The following CNTNAP5 variants were observed in gnomAD, a reference collection of about 807,000 sequenced individuals.
CNTNAP5 encodes the protein contactin associated protein family member 5.
CNTNAP5 carries 72 observed loss-of-function variants against 150.2 expected under a neutral mutation model. That is an observed-to-expected ratio of 0.48 (90% CI 0.40 to 0.58). The LOEUF (loss-of-function observed/expected upper bound fraction) is 0.58. Ranked by LOEUF, CNTNAP5 falls within the 20% of genes least tolerant of loss-of-function variation. The pLI, the probability that CNTNAP5 is intolerant of heterozygous loss-of-function variation, is 0.00. For missense variants in CNTNAP5, 1,636 were observed against 1,626.2 expected (o/e 1.01, Z -0.10); for synonymous variants, 672 against 619.8 (o/e 1.08, Z -1.25).
chr2:124,389,292 A>G (rs1367353288), intron 3 of CNTNAP5, among the ~76,000 whole-genome samples: 1 of 152,178 alleles, frequency 6.6e-6, no homozygotes, highest in African/African-American at 2.4e-5. Flanking sequence ...AATATAATTC[A>G]CTGTCCTTTT....
chr2:124,786,397 A>AGG (rs1573616310), intron 17 of CNTNAP5, among the ~76,000 whole-genome samples: 1,454 of 81,346 alleles, frequency 0.018, 5 homozygotes, highest in Admixed American at 0.021. Flanking sequence ...GAAAGAAAGA[A>AGG]AGAAGGAAGG....
chr2:124,300,429 A>G (rs1042551238), intron 3 of CNTNAP5, among the ~76,000 whole-genome samples: 1 of 152,190 alleles, frequency 6.6e-6, no homozygotes, highest in Non-Finnish European at 1.5e-5. Context: ...GTTTAAGCTG[A>G]TGCATTTGGG....
intron 8 of CNTNAP5, among the ~76,000 whole-genome samples, chr2:124,510,138 G>T (rs1325286744): frequency 6.6e-6 from 1 of 151,442 alleles, no homozygotes; most frequent in African/African-American, 2.4e-5. Context: ...AACCCAGGAG[G>T]CAGAGACTGC....
intron 21 of CNTNAP5, among the ~76,000 whole-genome samples, chr2:124,894,028 T>C (rs1266191843): frequency 6.6e-6 from 1 of 152,176 alleles, no homozygotes; most frequent in Non-Finnish European, 1.5e-5. Flanking sequence ...TTTTATTACA[T>C]ATGTGTTAAA....
At chr2:124,452,304 G>A (rs1197927127) in intron 6 of CNTNAP5, among the ~76,000 whole-genome samples, 2 of 152,002 alleles carry the variant, frequency 1.3e-5, no homozygotes, top group South Asian at 2.1e-4. Context: ...GCATGACACA[G>A]CAAAGGCACC....
intron 12 of CNTNAP5, among the ~76,000 whole-genome samples, chr2:124,614,713 G>A (rs764173535): frequency 6.6e-6 from 1 of 152,040 alleles, no homozygotes; most frequent in Admixed American, 6.6e-5. Flanking sequence ...TCACCATCTC[G>A]GTTTTGGTGG....
At chr2:124,891,192 T>G (rs1311955625) in intron 21 of CNTNAP5, among the ~76,000 whole-genome samples, 1 of 152,040 alleles carries the variant, frequency 6.6e-6, no homozygotes, top group Non-Finnish European at 1.5e-5. Flanking sequence ...GTGGCTGGGA[T>G]AGTCTGGAGG....
At chr2:124,656,691 T>A (rs1678464798) in intron 13 of CNTNAP5, among the ~76,000 whole-genome samples, 1 of 152,198 alleles carries the variant, frequency 6.6e-6, no homozygotes, top group African/African-American at 2.4e-5. Flanking sequence ...GACCATGAAT[T>A]ATTTAAATAA....
chr2:124,820,421 C>T (rs1682461307), intron 19 of CNTNAP5, among the ~76,000 whole-genome samples: 1 of 151,700 alleles, frequency 6.6e-6, no homozygotes, highest in Non-Finnish European at 1.5e-5. Context: ...TGCTCTCCCT[C>T]ACCAGTTGCT....
intron 1 of CNTNAP5, among the ~76,000 whole-genome samples, chr2:124,219,698 T>A (rs988800088): frequency 1.3e-5 from 2 of 152,184 alleles, no homozygotes; most frequent in African/African-American, 4.8e-5. Flanking sequence ...ATGCAAGATC[T>A]GCATTACGTT....
At chr2:124,407,473 A>C (rs977088035) in intron 3 of CNTNAP5, among the ~76,000 whole-genome samples, 24 of 152,172 alleles carry the variant, frequency 1.6e-4, no homozygotes, top group Admixed American at 5.2e-4. Flanking sequence ...AGGATACTAG[A>C]AAGAAAAGGC....
intron 19 of CNTNAP5, among the ~76,000 whole-genome samples, chr2:124,846,683 C>T (rs575868283): frequency 6.6e-6 from 1 of 152,198 alleles, no homozygotes; most frequent in East Asian, 1.9e-4. Flanking sequence ...TTACTGATTC[C>T]TTCTCATTTG....
At chr2:124,362,211 G>A (rs932586490) in intron 3 of CNTNAP5, among the ~76,000 whole-genome samples, 2 of 152,210 alleles carry the variant, frequency 1.3e-5, no homozygotes, top group African/African-American at 4.8e-5. Context: ...CCACTGTCTG[G>A]CACTCCCTAG....
chr2:124,100,180 G>A lies in CNTNAP5; in HGVS notation c.82+74448G>A, dbSNP rs75429942. On this transcript the variant is annotated intron_variant, in intron 1 of 23. Coordinates refer to ENST00000682447, the MANE Select transcript of CNTNAP5 (RefSeq NM_001367498.1). ...CTTCACATGGCAAAAGCAGGGATAC[G>A]AGGGGCGGAGGGGCGACACATTTTT... Among the ~76,000 whole-genome samples, 40 of 152,212 alleles carry A rather than the reference G, an allele frequency of 2.6e-4. 2 individuals carry two copies. In the South Asian group the frequency reaches 6.8e-3, roughly 26 times the overall value.
chr2:124,761,307 A>G (rs889919593), intron 14 of CNTNAP5, among the ~76,000 whole-genome samples: 1 of 152,102 alleles, frequency 6.6e-6, no homozygotes, highest in African/African-American at 2.4e-5. Flanking sequence ...TCATATTCCT[A>G]ATATGACCTT....
intron 1 of CNTNAP5, among the ~76,000 whole-genome samples, chr2:124,210,617 A>G (rs896927471): frequency 6.6e-6 from 1 of 152,084 alleles, no homozygotes; most frequent in Admixed American, 6.6e-5. Flanking sequence ...CTTACCCTCA[A>G]TTCTCTATCC....
At chr2:124,205,207 C>T (rs548632852) in intron 1 of CNTNAP5, among the ~76,000 whole-genome samples, 4 of 152,050 alleles carry the variant, frequency 2.6e-5, no homozygotes, top group Admixed American at 6.5e-5. Flanking sequence ...GTCATGGGGG[C>T]GGTTTCCCCC....
At chr2:124,629,936 C>CAAAATAAA (rs1677812044) in intron 12 of CNTNAP5, among the ~76,000 whole-genome samples, 2 of 67,772 alleles carry the variant, frequency 3.0e-5, no homozygotes, top group Non-Finnish European at 3.1e-5. Flanking sequence ...CACCTCTATG[C>CAAAATAAA]AAAAAAAAAA....
intron 18 of CNTNAP5, among the ~76,000 whole-genome samples, chr2:124,791,868 T>C (rs1300461747): frequency 1.3e-5 from 2 of 152,114 alleles, no homozygotes; most frequent in Non-Finnish European, 2.9e-5. Context: ...TTTCATATGC[T>C]TCGTATTTTA....
Sources: gnomAD v4.1 joint callset for allele counts (sites outside exome capture counted in the v4.1 genomes callset) on GRCh38, gnomAD v4.1.1 for gene constraint, MANE v1.5 for transcripts, NCBI Gene and HGNC (gene_info 2026-07-23, HGNC 2026-07-21) for gene names.